Variants in HEATR6 observed in about 807,000 individuals in gnomAD.
The protein encoded by HEATR6 is HEAT repeat containing 6.
In HEATR6, 106 loss-of-function variants were observed where a neutral mutation model predicts 132.8. That is an observed-to-expected ratio of 0.80 (90% CI 0.68 to 0.94). HEATR6 has a LOEUF of 0.94. Ranked by LOEUF, HEATR6 falls within the 40% of genes least tolerant of loss-of-function variation. The pLI is 0.00. For missense variants in HEATR6, 1,339 were observed against 1,425.1 expected, an observed-to-expected ratio of 0.94 and a Z score of 0.97; for synonymous variants, 529 against 537.8, an observed-to-expected ratio of 0.98 and a Z score of 0.23.
chr17:60,065,045 T>G (rs1176840149), intron 9 of HEATR6, among the ~76,000 whole-genome samples: 1 of 152,162 alleles, frequency 6.6e-6, no homozygotes, highest in Non-Finnish European at 1.5e-5. Context: ...TTTTCAATAT[T>G]TTTAGTAGCT....
At chr17:60,074,714 A>G (rs1568648425) in intron 2 of HEATR6, among the ~76,000 whole-genome samples, 1 of 152,218 alleles carries the variant, frequency 6.6e-6, no homozygotes, top group Non-Finnish European at 1.5e-5. Flanking sequence ...AACCTGGGGC[A>G]ACCTTAACCC....
Position 60,043,842 on chromosome 17 carries a change from A to G in HEATR6, c.3267T>C (p.Pro1089=). The change falls in exon 20 of 20, where the codon CCT becomes CCC. Residue 1089 remains proline, a synonymous_variant. Transcript: ENST00000184956. ...LLSLASASDL[P]CMKETLELSG... ...TCAGTTCAAGGGTTTCTTTCATACAAGGGAGGTCCGAGGCACTGGCCAAGC... is the reference window on the plus strand; with the variant it reads ...TCAGTTCAAGGGTTTCTTTCATACAGGGGAGGTCCGAGGCACTGGCCAAGC... 3.1e-6 allele frequency: 5 copies of G among 1,614,212 alleles called. No individual in the cohort carries two copies. Among genetic ancestry groups the G allele is most frequent in the Non-Finnish European group, 3.4e-6 (4 of 1,180,042 alleles).
At chr17:60,068,971 C>A (rs1597955518) in intron 7 of HEATR6, among the ~76,000 whole-genome samples, 2 of 152,188 alleles carry the variant, frequency 1.3e-5, no homozygotes, top group South Asian at 4.1e-4. Context: ...CTTAGCACAG[C>A]GTCTGGAACA....
chr17:60,067,776 G>C, intron 7 of HEATR6, 44 bp from the exon 8 acceptor site: 4 of 1,482,798 alleles, frequency 2.7e-6, no homozygotes, highest in Non-Finnish European at 3.7e-6. Context: ...AACTACTTCA[G>C]AATGGCTTTT....
intron 5 of HEATR6, among the ~76,000 whole-genome samples, chr17:60,071,831 C>G (rs898098122): frequency 3.9e-5 from 6 of 152,104 alleles, no homozygotes; most frequent in African/African-American, 1.4e-4. Flanking sequence ...AAATGTGTTA[C>G]TCTAAATTTA....
At chr17:60,045,626 G>A (rs1906340129) in intron 19 of HEATR6, among the ~76,000 whole-genome samples, 1 of 151,916 alleles carries the variant, frequency 6.6e-6, no homozygotes, top group Non-Finnish European at 1.5e-5. Context: ...GCTTATTGTA[G>A]ACAACTGAGA....
intron 9 of HEATR6, among the ~76,000 whole-genome samples, chr17:60,060,304 C>T (rs2083203463): frequency 6.6e-6 from 1 of 152,030 alleles, no homozygotes; most frequent in Non-Finnish European, 1.5e-5. Context: ...TTTAGAGACA[C>T]AGTCTCGCTC....
chr17:60,049,451 A>G, intron 16 of HEATR6, 129 bp downstream of exon 16: 5 of 1,053,934 alleles, frequency 4.7e-6, no homozygotes, highest in Non-Finnish European at 5.5e-6. Context: ...TTTAGTAGCA[A>G]TTACAGATAT....
intron 7 of HEATR6, among the ~76,000 whole-genome samples, chr17:60,068,555 C>T (rs1270837447): frequency 6.7e-6 from 1 of 148,706 alleles, no homozygotes; most frequent in East Asian, 1.9e-4. Context: ...GAGATAAAAA[C>T]CCAAACTACT....
chr17:60,043,631 C>T lies in HEATR6; in HGVS notation c.3478G>A (p.Glu1160Lys). The T allele has an allele frequency of 6.2e-7, 1 of 1,614,140 alleles. No individual in the cohort carries two copies. The highest frequency in any genetic ancestry group is 8.5e-7 in the Non-Finnish European group (1 of 1,180,026). The part of the protein sequence containing the change: ...ARRAIMGFLE[E>K]ILAVCFDSSG... ...GAGTCAAAACAAACGGCCAGGATCT[C>T]TTCTAAAAAGCCCATGATGGCCCTT... The change falls in exon 20 of 20, where the codon GAG becomes AAG. Residue 1160 changes from glutamate to lysine, a missense_variant. Glu to Lys is a moderately conservative substitution (Grantham distance 56). Transcript: ENST00000184956.
intron 2 of HEATR6, chr17:60,074,261 G>T: frequency 3.7e-6 from 1 of 271,832 alleles, no homozygotes; most frequent in Non-Finnish European, 5.7e-6. Context: ...CAATATAACT[G>T]CTAAATACCT....
At chr17:60,053,647 A>G (rs1906653955) in intron 14 of HEATR6, among the ~76,000 whole-genome samples, 1 of 152,262 alleles carries the variant, frequency 6.6e-6, no homozygotes, top group Non-Finnish European at 1.5e-5. Flanking sequence ...GAAATAAAAA[A>G]GTTTGAAGAA....
intron 1 of HEATR6, chr17:60,076,464 G>T: frequency 2.2e-6 from 1 of 451,836 alleles, no homozygotes; most frequent in Non-Finnish European, 4.0e-6. Context: ...TCTTCCGGAG[G>T]TCAAAGCGGG....
chr17:60,053,707 T>C (rs954309990), intron 14 of HEATR6, among the ~76,000 whole-genome samples: 4 of 152,220 alleles, frequency 2.6e-5, no homozygotes, highest in African/African-American at 7.2e-5. Context: ...GGCTGCATTA[T>C]GCCCATGTCC....
intron 2 of HEATR6, chr17:60,075,540 A>G (rs1417736469): frequency 1.3e-5 from 2 of 152,184 alleles, no homozygotes; most frequent in Non-Finnish European, 2.9e-5. Context: ...CTTGGCCCCA[A>G]GCTACTTCTT....
chr17:60,060,538 G>T (rs1024000805), intron 9 of HEATR6, among the ~76,000 whole-genome samples: 38 of 152,170 alleles, frequency 2.5e-4, no homozygotes, highest in African/African-American at 8.4e-4. Flanking sequence ...TCCTAAGCAT[G>T]AGAATAAGAA....
Position 60,057,368 on chromosome 17 carries a change from C to T in HEATR6, c.1759G>A (p.Gly587Arg). Reference protein sequence around the residue: ...NVRVSSLTLLGAIVSTHAPLP... With the variant: ...NVRVSSLTLLRAIVSTHAPLP... Reference sequence around the variant, plus strand: ...GGTGCGTGGGTGGACACTATAGCTCCCAAGAGTGTGAGACTTGACACACGA... The same window carrying T: ...GGTGCGTGGGTGGACACTATAGCTCTCAAGAGTGTGAGACTTGACACACGA... Residue 587 changes from glycine to arginine, a missense_variant, in exon 12 of 20, where the codon GGA (glycine) becomes AGA (arginine). Transcript: ENST00000184956. 3.7e-6 allele frequency: 6 copies of T among 1,610,030 alleles called. No individual in the cohort carries two copies. Among genetic ancestry groups the T allele is most frequent in the Non-Finnish European group, 5.1e-6 (6 of 1,177,516 alleles).
Position 60,048,383 on chromosome 17 carries a change from G to A in HEATR6, c.2553C>T (p.Val851=). 6.2e-7 allele frequency: 1 copy of A among 1,611,446 alleles called. No individual in the cohort carries two copies. The highest frequency in any genetic ancestry group is 8.5e-7 in the Non-Finnish European group (1 of 1,178,130). Residue 851 remains valine (V), a synonymous_variant, in exon 17 of 20, where the codon GTC becomes GTT. Coordinates refer to ENST00000184956, the MANE Select transcript of HEATR6 (RefSeq NM_022070.5). ...YVLFPCLRQD[V]IFVADAANAI... ...CATTTGCTGCGTCTGCAACAAATATGACATCCTGTAACACAAAACAAAACA... is the reference window on the plus strand; with the variant it reads ...CATTTGCTGCGTCTGCAACAAATATAACATCCTGTAACACAAAACAAAACA...
At position 60,057,354 on chromosome 17, in the gene HEATR6, G is replaced by C. The variant is rs1273177230; in HGVS notation, c.1773C>G (p.Ser591=). 3 of 1,613,394 alleles carry C rather than the reference G, an allele frequency of 1.9e-6. No homozygotes were observed. In the African/African-American group the frequency reaches 4.0e-5, roughly 22 times the overall value. ...GGACTTCAGGTAAAGGTGCGTGGGT[G>C]GACACTATAGCTCCCAAGAGTGTGA... ...SSLTLLGAIV[S]THAPLPEVQL... is the part of the protein sequence containing the mutation. Residue 591 remains serine (S), a synonymous_variant, in exon 12 of 20, where the codon TCC becomes TCG. Transcript: ENST00000184956.
Sources: gnomAD v4.1 joint callset for allele counts (sites outside exome capture counted in the v4.1 genomes callset) on GRCh38, gnomAD v4.1.1 for gene constraint, MANE v1.5 for transcripts, NCBI Gene and HGNC (gene_info 2026-07-23, HGNC 2026-07-21) for gene names.